Variants in ZNF407 observed in about 807,000 individuals in gnomAD.
ZNF407 encodes zinc finger protein 407.
A neutral mutation model predicts 131.2 loss-of-function variants in ZNF407; 17 were observed. The observed-to-expected ratio is 0.13, with a 90% CI of 0.09 to 0.19. The LOEUF is 0.19. Among genes scored for constraint, ZNF407 ranks in the 10% least tolerant of loss-of-function variants. ZNF407 has a pLI of 1.00. For missense variants in ZNF407, 2,681 were observed against 2,830.6 expected (o/e 0.95, Z 1.20); for synonymous variants, 1,156 against 1,062.0 (o/e 1.09, Z -1.72).
At chr18:74,785,755 C>T (rs924203948) in intron 4 of ZNF407, among the ~76,000 whole-genome samples, 1 of 148,440 alleles carries the variant, frequency 6.7e-6, no homozygotes, top group Non-Finnish European at 1.5e-5. Flanking sequence ...ATGCACCTGG[C>T]ATGCAGATGT....
Position 74,712,144 on chromosome 18 carries a change from T to C in ZNF407, c.4803-69284T>C, listed in dbSNP as rs148279350. Among the ~76,000 whole-genome samples the C allele has an allele frequency of 1.4e-4, 21 of 152,180 alleles. No homozygotes were observed. In the East Asian group the frequency reaches 2.5e-3, roughly 18 times the overall value. ...GCCTTGTGCTTGCTCATTTCAGGAG[T>C]TGGTGTTCTGGGACCTTGTCTTTGA... On this transcript the variant is annotated intron_variant, in intron 3 of 8. Coordinates refer to ENST00000299687, the MANE Select transcript of ZNF407 (RefSeq NM_017757.3).
At chr18:74,781,251 T>C (rs970508924) in intron 3 of ZNF407, among the ~76,000 whole-genome samples, 177 bp from the exon 4 acceptor site, 2 of 152,212 alleles carry the variant, frequency 1.3e-5, no homozygotes, top group African/African-American at 4.8e-5. Context: ...TGTAGACTTC[T>C]TTTGAAGTCC....
chr18:74,897,449 TA>T (rs1971467643), intron 7 of ZNF407, among the ~76,000 whole-genome samples: 2 of 152,210 alleles, frequency 1.3e-5, no homozygotes, highest in South Asian at 4.1e-4. Context: ...AGAATCCAGA[TA>T]AACATGTTTA....
At chr18:75,040,403 C>T (rs1268605191) in intron 8 of ZNF407, among the ~76,000 whole-genome samples, 1 of 152,142 alleles carries the variant, frequency 6.6e-6, no homozygotes, top group Non-Finnish European at 1.5e-5. Context: ...AAAAAAGATA[C>T]TGGGTATTGA....
At chr18:74,757,873 T>A (rs944103965) in intron 3 of ZNF407, among the ~76,000 whole-genome samples, 1 of 152,162 alleles carries the variant, frequency 6.6e-6, no homozygotes, top group African/African-American at 2.4e-5. Context: ...TTGTTATAAA[T>A]GTTCTCCCCC....
chr18:74,972,891 C>G (rs1271336101), intron 8 of ZNF407, among the ~76,000 whole-genome samples: 2 of 152,116 alleles, frequency 1.3e-5, no homozygotes, highest in Non-Finnish European at 2.9e-5. Flanking sequence ...ATTTTTAAAT[C>G]CTCTTTAACA....
intron 8 of ZNF407, among the ~76,000 whole-genome samples, chr18:74,988,274 A>C (rs1972676988): frequency 6.6e-6 from 1 of 152,182 alleles, no homozygotes; most frequent in Admixed American, 6.5e-5. Flanking sequence ...CAAAAGCCTA[A>C]ATATGAAAGT....
intron 3 of ZNF407, among the ~76,000 whole-genome samples, chr18:74,716,930 C>T (rs1276221946): frequency 6.6e-6 from 1 of 152,166 alleles, no homozygotes; most frequent in African/African-American, 2.4e-5. Flanking sequence ...CACGTTCCAA[C>T]TCGAACATTC....
chr18:74,918,498 T>C lies in ZNF407; in HGVS notation c.5250-2016T>C, dbSNP rs372479072. ...CTTACTCTTTTATTTCCTCTTACAG[T>C]GATTGTTAGTTCACAATAGGGAATT... On this transcript the variant is annotated intron_variant, in intron 7 of 8. Coordinates refer to ENST00000299687, the MANE Select transcript of ZNF407 (RefSeq NM_017757.3). Among the ~76,000 whole-genome samples, 119 of 152,326 alleles carry C rather than the reference T, an allele frequency of 7.8e-4. 1 individual carries two copies. The highest frequency in any genetic ancestry group is 2.8e-3 in the African/African-American group (116 of 41,576).
At chr18:74,719,744 C>T (rs991701761) in intron 3 of ZNF407, among the ~76,000 whole-genome samples, 2 of 152,224 alleles carry the variant, frequency 1.3e-5, no homozygotes, top group African/African-American at 4.8e-5. Flanking sequence ...TTAGCGTCCA[C>T]ATATGAGTGA....
In ZNF407 at chr18:74,781,433, C is replaced by T; in HGVS notation, c.4808C>T (p.Ala1603Val). Residue 1603 changes from alanine to valine, a missense_variant, in exon 4 of 9, where the codon GCT (alanine) becomes GTT (valine). By Grantham distance (64) the Ala-to-Val change is moderately conservative. Coordinates refer to ENST00000299687, the MANE Select transcript of ZNF407 (RefSeq NM_017757.3). ...REYKCHVCGV[A>V]FVMKKHLNTH... ...TACTTTTGTTTATTTTTTAGGGTTG[C>T]TTTTGTAATGAAGAAGCACTTAAAT... 1 of 1,535,846 alleles carries T rather than the reference C, an allele frequency of 6.5e-7. No individual in the cohort carries two copies. The highest frequency in any genetic ancestry group is 8.8e-7 in the Non-Finnish European group (1 of 1,140,372).
At chr18:74,749,439 C>T (rs1430925295) in intron 3 of ZNF407, among the ~76,000 whole-genome samples, 1 of 152,090 alleles carries the variant, frequency 6.6e-6, no homozygotes, top group Non-Finnish European at 1.5e-5. Context: ...CCCATTTTGC[C>T]CTCATGCTGC....
chr18:74,869,637 T>G (rs1240628651), intron 4 of ZNF407, among the ~76,000 whole-genome samples: 1 of 152,158 alleles, frequency 6.6e-6, no homozygotes, highest in Non-Finnish European at 1.5e-5. Context: ...GATGGGGTTT[T>G]TTTAGGGGCA....
chr18:74,738,570 T>C (rs529161600), intron 3 of ZNF407, among the ~76,000 whole-genome samples: 1 of 151,542 alleles, frequency 6.6e-6, no homozygotes, highest in South Asian at 2.1e-4. Context: ...AAACCTTGTC[T>C]CTACTTGAAA....
At chr18:74,640,743 T>C (rs1984675426) in intron 2 of ZNF407, among the ~76,000 whole-genome samples, 1 of 152,204 alleles carries the variant, frequency 6.6e-6, no homozygotes, top group South Asian at 2.1e-4. Context: ...TCTCATCGAC[T>C]TAGTACTGCT....
intron 8 of ZNF407, among the ~76,000 whole-genome samples, chr18:75,029,486 G>A (rs1328793199): frequency 1.3e-5 from 2 of 152,162 alleles, no homozygotes; most frequent in Non-Finnish European, 2.9e-5. Context: ...GGGCAGGATG[G>A]GTGTTCGTTC....
chr18:74,968,258 C>G (rs1436576293), intron 8 of ZNF407, among the ~76,000 whole-genome samples: 1 of 152,210 alleles, frequency 6.6e-6, no homozygotes, highest in Non-Finnish European at 1.5e-5. Context: ...ATGGAAATCT[C>G]ACTTCCATTT....
At chr18:74,912,497 C>T (rs1159999413) in intron 7 of ZNF407, among the ~76,000 whole-genome samples, 1 of 152,166 alleles carries the variant, frequency 6.6e-6, no homozygotes, top group Non-Finnish European at 1.5e-5. Flanking sequence ...ATTCACCTTA[C>T]ATAATTAAAA....
chr18:75,022,904 A>G (rs1318438561), intron 8 of ZNF407, among the ~76,000 whole-genome samples: 2 of 152,198 alleles, frequency 1.3e-5, no homozygotes, highest in African/African-American at 4.8e-5. Flanking sequence ...AGCACTATTA[A>G]CAATAGCAAA....
Sources: gnomAD v4.1 joint callset for allele counts (sites outside exome capture counted in the v4.1 genomes callset) on GRCh38, gnomAD v4.1.1 for gene constraint, MANE v1.5 for transcripts, NCBI Gene and HGNC (gene_info 2026-07-23, HGNC 2026-07-21) for gene names.